Variants in TMEM200A observed in about 807,000 individuals in gnomAD.
TMEM200A encodes the protein transmembrane protein 200A.
TMEM200A carries 12 observed loss-of-function variants against 24.3 expected under a neutral mutation model. The observed-to-expected ratio is 0.49, with a 90% CI of 0.32 to 0.80. The LOEUF (loss-of-function observed/expected upper bound fraction) is 0.80. Ranked by LOEUF, TMEM200A falls within the 30% of genes least tolerant of loss-of-function variation. The pLI is 0.04. For missense variants in TMEM200A, 545 were observed against 614.4 expected, an observed-to-expected ratio of 0.89 and a Z score of 1.19; for synonymous variants, 224 against 224.4, an observed-to-expected ratio of 1.00 and a Z score of 0.02.
intron 2 of TMEM200A, among the ~76,000 whole-genome samples, chr6:130,430,511 A>C (rs1462592035): frequency 6.6e-6 from 1 of 152,222 alleles, no homozygotes; most frequent in Non-Finnish European, 1.5e-5. Context: ...AAGTAGGAGA[A>C]GAGAGGGAAA....
intron 2 of TMEM200A, among the ~76,000 whole-genome samples, chr6:130,433,205 C>T (rs1018982863): frequency 1.3e-5 from 2 of 149,444 alleles, no homozygotes; most frequent in South Asian, 4.2e-4. Context: ...GGCAAGATCT[C>T]GGCTCACTGC....
intron 1 of TMEM200A, chr6:130,383,031 C>T (rs942211758): frequency 3.0e-6 from 3 of 985,376 alleles, no homozygotes; most frequent in African/African-American, 1.7e-5. Flanking sequence ...TGAGGCCAGG[C>T]ATGATGTTAC....
chr6:130,407,530 G>A (rs569445016), intron 2 of TMEM200A, among the ~76,000 whole-genome samples: 2 of 152,298 alleles, frequency 1.3e-5, no homozygotes, highest in African/African-American at 2.4e-5. Flanking sequence ...GCACTCTTTG[G>A]AGGAATTATC....
intron 2 of TMEM200A, among the ~76,000 whole-genome samples, chr6:130,419,530 C>G (rs1286491295): frequency 6.6e-6 from 1 of 152,146 alleles, no homozygotes; most frequent in Non-Finnish European, 1.5e-5. Context: ...AATTTACATT[C>G]TTACTGACAG....
chr6:130,383,166 G>T, intron 1 of TMEM200A: 1 of 593,998 alleles, frequency 1.7e-6, no homozygotes, highest in Non-Finnish European at 2.1e-6. Flanking sequence ...CATCGGGCAA[G>T]ACAGTTCCAC....
intron 1 of TMEM200A, among the ~76,000 whole-genome samples, chr6:130,368,834 G>A (rs1778243862): frequency 6.6e-6 from 1 of 152,240 alleles, no homozygotes; most frequent in African/African-American, 2.4e-5. Flanking sequence ...TCTTGACTGA[G>A]TCACTAATTA....
intron 2 of TMEM200A, among the ~76,000 whole-genome samples, chr6:130,439,829 A>G (rs1194913113): frequency 6.6e-6 from 1 of 152,158 alleles, no homozygotes. Context: ...GGTAAGGAAG[A>G]TGAAAATTGA....
intron 2 of TMEM200A, among the ~76,000 whole-genome samples, chr6:130,427,432 C>G (rs185066109): frequency 1.3e-5 from 2 of 152,066 alleles, no homozygotes. Context: ...TTGATTTAAC[C>G]AATTTTCTGT....
At chr6:130,367,133 G>A (rs1008368994) in intron 1 of TMEM200A, among the ~76,000 whole-genome samples, 14 of 152,114 alleles carry the variant, frequency 9.2e-5, no homozygotes, top group Non-Finnish European at 1.9e-4. Flanking sequence ...AAATGTGTGT[G>A]TGTTTGTGTG....
At chr6:130,375,616 C>A (rs958166784) in intron 1 of TMEM200A, among the ~76,000 whole-genome samples, 23 of 152,142 alleles carry the variant, frequency 1.5e-4, no homozygotes, top group African/African-American at 5.6e-4. Flanking sequence ...TCATTTAGAT[C>A]AGATGGTCAA....
Position 130,395,247 on chromosome 6 carries a change from T to C in TMEM200A, c.-17+10011T>C, listed in dbSNP as rs141637702. On this transcript the variant is annotated intron_variant, in intron 2 of 2. Transcript: ENST00000296978. ...TTGGATTGCTTATAATTCTTCTAGCTAGATTGAGTTGCCTAGAAAAGAGGT... is the reference window on the plus strand; with the variant it reads ...TTGGATTGCTTATAATTCTTCTAGCCAGATTGAGTTGCCTAGAAAAGAGGT... 3.2e-3 allele frequency among the ~76,000 whole-genome samples: 480 copies of C among 152,308 alleles called. 3 individuals are homozygous for C. The highest frequency in any genetic ancestry group is 0.011 in the African/African-American group (472 of 41,568).
intron 2 of TMEM200A, among the ~76,000 whole-genome samples, chr6:130,385,749 T>G (rs1778697539): frequency 6.6e-6 from 1 of 152,236 alleles, no homozygotes; most frequent in African/African-American, 2.4e-5. Flanking sequence ...TGAAAACTTC[T>G]AAGAGTCTGA....
Position 130,440,565 on chromosome 6 carries a change from T to C in TMEM200A, c.143T>C (p.Val48Ala), listed in dbSNP as rs1443770205. Reference sequence around the variant, plus strand: ...ATCAGGCGCCGGCCCCGGGCAGATGTTGTGGTTGTTCGTGGCAAAATCCGG... The same window carrying C: ...ATCAGGCGCCGGCCCCGGGCAGATGCTGTGGTTGTTCGTGGCAAAATCCGG... ...KPIRRRPRAD[V>A]VVVRGKIRLY... The change falls in exon 3 of 3, where the codon GTT becomes GCT. Residue 48 changes from valine to alanine, a missense_variant. Coordinates refer to ENST00000296978, the MANE Select transcript of TMEM200A (RefSeq NM_001258277.2). The C allele has an allele frequency of 6.2e-7, 1 of 1,614,064 alleles. No homozygotes were observed. The highest frequency in any genetic ancestry group is 1.7e-5 in the Admixed American group (1 of 60,022).
intron 1 of TMEM200A, among the ~76,000 whole-genome samples, chr6:130,377,406 A>G (rs1302165730): frequency 2.6e-5 from 4 of 152,146 alleles, no homozygotes; most frequent in Non-Finnish European, 5.9e-5. Flanking sequence ...CATCCTAGGG[A>G]TTCCCTGTTC....
At chr6:130,400,648 G>A (rs1779063754) in intron 2 of TMEM200A, among the ~76,000 whole-genome samples, 2 of 151,812 alleles carry the variant, frequency 1.3e-5, no homozygotes, top group Non-Finnish European at 2.9e-5. Flanking sequence ...TCCAAGATTA[G>A]TTTTCTTCAC....
intron 2 of TMEM200A, among the ~76,000 whole-genome samples, chr6:130,422,338 G>A (rs540469453): frequency 1.4e-4 from 22 of 152,168 alleles, no homozygotes; most frequent in Admixed American, 3.3e-4. Flanking sequence ...GTGCGATATC[G>A]ACTCACTGCA....
At chr6:130,373,486 G>A (rs1405817314) in intron 1 of TMEM200A, among the ~76,000 whole-genome samples, 1 of 151,946 alleles carries the variant, frequency 6.6e-6, no homozygotes, top group Non-Finnish European at 1.5e-5. Flanking sequence ...TTAATCTTAT[G>A]TCTTAATATT....
chr6:130,419,254 T>A (rs923849115), intron 2 of TMEM200A, among the ~76,000 whole-genome samples: 2 of 152,212 alleles, frequency 1.3e-5, no homozygotes, highest in Non-Finnish European at 2.9e-5. Context: ...ATGGTTTTAC[T>A]ATTTTTTGTG....
chr6:130,399,834 C>G (rs1779040906), intron 2 of TMEM200A, among the ~76,000 whole-genome samples: 1 of 151,778 alleles, frequency 6.6e-6, no homozygotes, highest in Non-Finnish European at 1.5e-5. Flanking sequence ...TCCCTCGCCC[C>G]CCTCCTACTC....
Sources: allele counts gnomAD v4.1 joint callset (sites outside exome capture counted in the v4.1 genomes callset), GRCh38; gene constraint gnomAD v4.1.1; transcripts MANE v1.5; gene names NCBI Gene and HGNC (gene_info 2026-07-23, HGNC 2026-07-21).